ATE1: variants seen among roughly 807,000 people sequenced by gnomAD.
ATE1 encodes the protein arginyltransferase 1.
Under a neutral mutation model 70.5 loss-of-function variants are expected in ATE1, and 36 were observed. That is an observed-to-expected ratio of 0.51 (90% CI 0.39 to 0.67). The LOEUF is 0.67. ATE1 is among the 30% of genes least tolerant of loss of function. The pLI is 0.00. For missense variants in ATE1, 593 were observed against 629.5 expected (o/e 0.94, Z 0.62); for synonymous variants, 232 against 219.3 (o/e 1.06, Z -0.51).
intron 7 of ATE1, among the ~76,000 whole-genome samples, chr10:121,894,915 TA>T (rs1411671471): frequency 2.7e-5 from 4 of 149,040 alleles, no homozygotes; most frequent in African/African-American, 9.9e-5. Context: ...AATAAATAAA[TA>T]AAAAATAAAA....
At chr10:121,845,783 G>C (rs1226481200) in intron 8 of ATE1, among the ~76,000 whole-genome samples, 3 of 152,182 alleles carry the variant, frequency 2.0e-5, no homozygotes, top group Non-Finnish European at 4.4e-5. Flanking sequence ...AAAGATTCAT[G>C]TGCTAATGGA....
chr10:121,918,980 A>C (rs1377216054), intron 3 of ATE1, among the ~76,000 whole-genome samples: 1 of 151,338 alleles, frequency 6.6e-6, no homozygotes, highest in East Asian at 2.0e-4. Context: ...AAAATGGACC[A>C]ATCAGCACTC....
chr10:121,853,816 T>C (rs1564897529), intron 8 of ATE1, among the ~76,000 whole-genome samples: 2 of 152,166 alleles, frequency 1.3e-5, no homozygotes, highest in Non-Finnish European at 2.9e-5. Context: ...GGCTGAGAAG[T>C]ACAAATTCAA....
At chr10:121,748,449 A>C (rs978847729) in intron 11 of ATE1, among the ~76,000 whole-genome samples, 2 of 152,270 alleles carry the variant, frequency 1.3e-5, no homozygotes, top group African/African-American at 4.8e-5. Context: ...GATCACATGA[A>C]AAAGCTATAA....
chr10:121,881,523 C>T (rs1186540490), intron 7 of ATE1, among the ~76,000 whole-genome samples: 3 of 151,938 alleles, frequency 2.0e-5, no homozygotes, highest in Non-Finnish European at 2.9e-5. Context: ...GGCACTAGAG[C>T]GTGACTGTAG....
At position 121,845,782 on chromosome 10, in the gene ATE1, T is replaced by C. The variant is rs535469888; in HGVS notation, c.976-4519A>G. ...AAGGGAAAAAAGGTAGAAAGATTCA[T>C]GTGCTAATGGATTAGAGTTGGAAAC... On this transcript the variant is annotated intron_variant, in intron 8 of 11. Transcript: ENST00000224652. Among the ~76,000 whole-genome samples, 253 of 152,352 alleles carry C rather than the reference T, an allele frequency of 1.7e-3. 1 individual carries two copies. Among genetic ancestry groups the C allele is most frequent in the Non-Finnish European group, 3.0e-3 (207 of 68,036 alleles).
At chr10:121,924,224 C>T (rs764618751) in intron 2 of ATE1, 42 bp downstream of exon 2, 10 of 1,584,038 alleles carry the variant, frequency 6.3e-6, no homozygotes, top group Non-Finnish European at 8.7e-6. Flanking sequence ...TTTCAAGAAC[C>T]TGAGTAACAG....
intron 11 of ATE1, among the ~76,000 whole-genome samples, chr10:121,787,984 G>A (rs1874662): frequency 0.94 from 143,724 of 152,236 alleles, 68,078 homozygotes; most frequent in Non-Finnish European, 0.98. Flanking sequence ...TAAGTTGGGG[G>A]ATAAGAAATT....
rs116001996 is a variant in ATE1 at position 121,851,488 on chromosome 10, T to G, written c.976-10225A>C. On this transcript the variant is annotated intron_variant, in intron 8 of 11. Transcript: ENST00000224652. ...TTTCAAACAAGAATCATACTACCGG[T>G]CAGTCTCAACTGTCATTAGTTGTGA... 6.9e-3 allele frequency among the ~76,000 whole-genome samples: 1,050 copies of G among 152,340 alleles called. 8 individuals carry two copies. Among genetic ancestry groups the G allele is most frequent in the African/African-American group, 0.023 (960 of 41,584 alleles).
chr10:121,927,215 T>C (rs1235864341), intron 1 of ATE1: 1 of 985,364 alleles, frequency 1.0e-6, no homozygotes, highest in Non-Finnish European at 1.2e-6. Flanking sequence ...TTTGCTGTCG[T>C]CCGGGTGGGT....
At chr10:121,916,911 C>T (rs1373561599) in intron 3 of ATE1, among the ~76,000 whole-genome samples, 1 of 151,496 alleles carries the variant, frequency 6.6e-6, no homozygotes, top group Non-Finnish European at 1.5e-5. Flanking sequence ...TGCCTGTAAT[C>T]CCTGCACTTT....
chr10:121,780,987 T>C (rs1162577820), intron 11 of ATE1, among the ~76,000 whole-genome samples: 1 of 152,228 alleles, frequency 6.6e-6, no homozygotes, highest in African/African-American at 2.4e-5. Flanking sequence ...GCTGAGTGAA[T>C]GCATTTATGA....
intron 10 of ATE1, among the ~76,000 whole-genome samples, chr10:121,827,074 C>A (rs531374576): frequency 6.6e-6 from 1 of 150,882 alleles, no homozygotes; most frequent in Non-Finnish European, 1.5e-5. Context: ...AGTGCAGTGG[C>A]GCAATCCCAG....
chr10:121,745,706 G>A (rs1037369373), intron 11 of ATE1, among the ~76,000 whole-genome samples: 16 of 149,050 alleles, frequency 1.1e-4, no homozygotes, highest in Admixed American at 2.0e-4. Flanking sequence ...CAGCCTGGGC[G>A]ACAGAGCAAG....
At chr10:121,845,349 A>G (rs1259285448) in intron 8 of ATE1, among the ~76,000 whole-genome samples, 1 of 152,234 alleles carries the variant, frequency 6.6e-6, no homozygotes, top group Non-Finnish European at 1.5e-5. Context: ...ATAACAGATC[A>G]GTAAAAACCC....
At chr10:121,922,528 T>C (rs1369128238) in intron 2 of ATE1, 117 bp from the exon 3 acceptor site, 5 of 661,030 alleles carry the variant, frequency 7.6e-6, no homozygotes, top group African/African-American at 1.8e-5. Context: ...TAGAAATGCA[T>C]GTAGGTTTAA....
At chr10:121,835,433 A>C (rs1948397270) in intron 10 of ATE1, among the ~76,000 whole-genome samples, 1 of 143,142 alleles carries the variant, frequency 7.0e-6, no homozygotes, top group Non-Finnish European at 1.5e-5. Flanking sequence ...CCCAAATGTA[A>C]TTAATCACCA....
intron 10 of ATE1, among the ~76,000 whole-genome samples, chr10:121,815,512 G>A (rs375012588): frequency 6.6e-6 from 1 of 152,162 alleles, no homozygotes; most frequent in African/African-American, 2.4e-5. Flanking sequence ...TCTCATTGTA[G>A]AGAAACATTA....
In ATE1 at chr10:121,854,029, G is replaced by T. The variant is rs148778869; in HGVS notation, c.976-12766C>A. 2.6e-5 allele frequency among the ~76,000 whole-genome samples: 4 copies of T among 152,262 alleles called. No individual in the cohort carries two copies. The East Asian group carries it at 7.7e-4, about 29-fold the overall frequency. On this transcript the variant is annotated intron_variant, in intron 8 of 11. Coordinates refer to ENST00000224652, the MANE Select transcript of ATE1 (RefSeq NM_001001976.3). ...TAGAATACTATGACACTGAGTATTA[G>T]GTTCTAACATATAAATTTTGGGGGA...
Sources: allele counts gnomAD v4.1 joint callset (sites outside exome capture counted in the v4.1 genomes callset), GRCh38; gene constraint gnomAD v4.1.1; transcripts MANE v1.5; gene names NCBI Gene and HGNC (gene_info 2026-07-23, HGNC 2026-07-21).